Variants in JPH3 observed in about 807,000 individuals in gnomAD.
The protein encoded by JPH3 is junctophilin 3, also known as junctophilin-3.
In JPH3, 11 loss-of-function variants were observed where a neutral mutation model predicts 59.6. The observed-to-expected ratio is 0.18, with a 90% CI of 0.12 to 0.31. The LOEUF is 0.31. JPH3 is among the 10% of genes least tolerant of loss of function. The pLI, the probability that JPH3 is intolerant of heterozygous loss-of-function variation, is 1.00. For synonymous variants in JPH3, 673 were observed against 483.6 expected, an observed-to-expected ratio of 1.39 and a Z score of -5.14; for missense variants, 1,202 against 1,105.7, an observed-to-expected ratio of 1.09 and a Z score of -1.24.
intron 1 of JPH3, among the ~76,000 whole-genome samples, chr16:87,635,039 A>G (rs1395571206): frequency 1.3e-5 from 2 of 152,180 alleles, no homozygotes; most frequent in Admixed American, 1.3e-4. Context: ...TTTTCCCTCC[A>G]CTGGACTCTG....
chr16:87,628,280 C>T (rs184973627), intron 1 of JPH3, among the ~76,000 whole-genome samples: 3 of 152,368 alleles, frequency 2.0e-5, no homozygotes, highest in Admixed American at 6.5e-5. Flanking sequence ...GACCCTTCCA[C>T]GGCCCAGGAC....
intron 1 of JPH3, among the ~76,000 whole-genome samples, chr16:87,609,512 C>T (rs1011174079): frequency 9.2e-5 from 14 of 152,206 alleles, no homozygotes; most frequent in African/African-American, 3.1e-4. Context: ...GATCTGCGTG[C>T]CTCGGCCTCC....
At position 87,669,058 on chromosome 16, in the gene JPH3, C is replaced by T. The variant is rs182349307; in HGVS notation, c.1161-15084C>T. On this transcript the variant is annotated intron_variant, in intron 2 of 4. Coordinates refer to ENST00000284262, the MANE Select transcript of JPH3 (RefSeq NM_020655.4). Reference sequence around the variant, plus strand: ...CACTGAGAATTAGTAAGGAAATCGCCGCTGCATCTCCCGGTGGCACAGGGG... The same window carrying T: ...CACTGAGAATTAGTAAGGAAATCGCTGCTGCATCTCCCGGTGGCACAGGGG... Among the ~76,000 whole-genome samples the T allele has an allele frequency of 9.8e-5, 15 of 152,300 alleles. No individual in the cohort carries two copies. The South Asian group carries it at 1.0e-3, about 11-fold the overall frequency.
At chr16:87,671,862 C>T (rs769014364) in intron 2 of JPH3, among the ~76,000 whole-genome samples, 10 of 152,190 alleles carry the variant, frequency 6.6e-5, no homozygotes, top group Non-Finnish European at 1.3e-4. Flanking sequence ...TTTTGAAGAT[C>T]GGTTTTCAGC....
rs1597253912 is a variant in JPH3 at position 87,640,204 on chromosome 16, C to T, written c.383-4054C>T. On this transcript the variant is annotated intron_variant, in intron 1 of 4. Coordinates refer to ENST00000284262, the MANE Select transcript of JPH3 (RefSeq NM_020655.4). ...ATTAGCTGGGTGTGGTGGTGCATGC[C>T]TGTAGTCCCAGCTACTCAGGAGGCT... Among the ~76,000 whole-genome samples, 4 of 151,902 alleles carry T rather than the reference C, an allele frequency of 2.6e-5. No homozygotes were observed. The South Asian group carries it at 6.3e-4, about 24-fold the overall frequency.
At chr16:87,664,319 G>A (rs1467362790) in intron 2 of JPH3, among the ~76,000 whole-genome samples, 1 of 127,120 alleles carries the variant, frequency 7.9e-6, no homozygotes, top group African/African-American at 3.1e-5. Flanking sequence ...GCGACAGAAT[G>A]AGACTCTGTC....
At chr16:87,614,237 C>CGTG (rs2030849666) in intron 1 of JPH3, among the ~76,000 whole-genome samples, 1 of 151,670 alleles carries the variant, frequency 6.6e-6, no homozygotes, top group Admixed American at 6.6e-5. Flanking sequence ...TCCCTGCACA[C>CGTG]AGGAGCTACA....
At chr16:87,607,456 C>T (rs989116942) in intron 1 of JPH3, among the ~76,000 whole-genome samples, 7 of 152,366 alleles carry the variant, frequency 4.6e-5, no homozygotes, top group Non-Finnish European at 7.3e-5. Flanking sequence ...CGCACACACA[C>T]GCGCACAAAA....
At chr16:87,667,176 CTCTG>C (rs1265458920) in intron 2 of JPH3, among the ~76,000 whole-genome samples, 1 of 152,214 alleles carries the variant, frequency 6.6e-6, no homozygotes, top group African/African-American at 2.4e-5. Context: ...GCCTCTCCTT[CTCTG>C]TCTCTTAGCT....
rs909886603 is a variant in JPH3, at chr16:87,611,246, T to TG, written c.382+7723dup. On this transcript the variant is annotated intron_variant, in intron 1 of 4. Coordinates refer to ENST00000284262, the MANE Select transcript of JPH3 (RefSeq NM_020655.4). This position sits in a 1 kb window ranked among gnomAD's most constrained non-coding sequence, Gnocchi z 4.5. ...TAATTCAGGGTTTCTCATGCCACAG[T>TG]GGGGGTCCTGAATGGGAGCACCACA... Among the ~76,000 whole-genome samples the TG allele has an allele frequency of 2.0e-5, 3 of 152,014 alleles. No homozygotes were observed. Among genetic ancestry groups the TG allele is most frequent in the African/African-American group, 7.2e-5 (3 of 41,386 alleles).
intron 1 of JPH3, among the ~76,000 whole-genome samples, chr16:87,617,645 G>C (rs1287729975): frequency 7.1e-6 from 1 of 140,370 alleles, no homozygotes; most frequent in Non-Finnish European, 1.6e-5. Flanking sequence ...TGGAGGTAGG[G>C]GGGCTGCATG....
chr16:87,643,703 C>T (rs1020638915), intron 1 of JPH3, among the ~76,000 whole-genome samples: 4 of 152,224 alleles, frequency 2.6e-5, no homozygotes, highest in Admixed American at 2.0e-4. Context: ...TGCCTCCCTT[C>T]TCCCTCCCCG....
chr16:87,672,039 G>A (rs1471059206), intron 2 of JPH3, among the ~76,000 whole-genome samples: 1 of 152,206 alleles, frequency 6.6e-6, no homozygotes, highest in African/African-American at 2.4e-5. Flanking sequence ...GGGCTGGGCA[G>A]GTGGAGATGC....
At chr16:87,635,896 TGA>T (rs1316163959) in intron 1 of JPH3, among the ~76,000 whole-genome samples, 9 of 152,174 alleles carry the variant, frequency 5.9e-5, no homozygotes, top group African/African-American at 1.9e-4. Context: ...CACACCCTCC[TGA>T]GAGGGTCTGG....
At chr16:87,659,387 G>GAAAAAAAAAAAAAAA (rs751075403) in intron 2 of JPH3, among the ~76,000 whole-genome samples, 1 of 68,588 alleles carries the variant, frequency 1.5e-5, no homozygotes. Context: ...AAAAAAAAAA[G>GAAAAAAAAAAAAAAA]AAAAAAAAAA....
chr16:87,671,072 C>T (rs942279818), intron 2 of JPH3, among the ~76,000 whole-genome samples: 6 of 152,206 alleles, frequency 3.9e-5, no homozygotes, highest in Non-Finnish European at 7.3e-5. Context: ...GCCCTGCACC[C>T]GGAGTTTAAC....
rs764261460 is a variant in JPH3, at chr16:87,689,716, C to A, written c.1356C>A (p.Pro452=). ...TCGAGGTGCTGTCCACCGGGACACCCCTGCAGCAGGAGAGCCCCGAGCTGT... is the reference window on the plus strand; with the variant it reads ...TCGAGGTGCTGTCCACCGGGACACCACTGCAGCAGGAGAGCCCCGAGCTGT... ...DDIEVLSTGT[P]LQQESPELYR... The change falls in exon 4 of 5, where the codon CCC becomes CCA. Residue 452 remains proline, a synonymous_variant. Transcript: ENST00000284262. 1 of 1,612,540 alleles carries A rather than the reference C, an allele frequency of 6.2e-7. No individual in the cohort carries two copies. Among genetic ancestry groups the A allele is most frequent in the Non-Finnish European group, 8.5e-7 (1 of 1,179,810 alleles).
chr16:87,620,583 G>T (rs1443086070), intron 1 of JPH3, among the ~76,000 whole-genome samples: 1 of 151,908 alleles, frequency 6.6e-6, no homozygotes, highest in Admixed American at 6.6e-5. Context: ...CCTGCCATGG[G>T]GGGGACGTGC....
intron 2 of JPH3, among the ~76,000 whole-genome samples, chr16:87,665,673 G>A (rs1038084488): frequency 6.6e-6 from 1 of 152,224 alleles, no homozygotes; most frequent in Non-Finnish European, 1.5e-5. Context: ...AGCAGGCCTA[G>A]GAGAGGCACT....
Sources: allele counts gnomAD v4.1 joint callset (sites outside exome capture counted in the v4.1 genomes callset), GRCh38; gene constraint gnomAD v4.1.1; non-coding constraint Gnocchi (gnomAD v3.1); transcripts MANE v1.5; gene names NCBI Gene and HGNC (gene_info 2026-07-23, HGNC 2026-07-21).